COG5: variants seen among roughly 807,000 people sequenced by gnomAD.
COG5 encodes the protein conserved oligomeric Golgi complex subunit 5.
COG5 carries 86 observed loss-of-function variants against 110.4 expected under a neutral mutation model. That is an observed-to-expected ratio of 0.78 (90% confidence interval 0.65 to 0.93). The LOEUF (loss-of-function observed/expected upper bound fraction) is 0.93. Among genes scored for constraint, COG5 ranks in the 40% least tolerant of loss-of-function variants. The pLI, the probability that COG5 is intolerant of heterozygous loss-of-function variation, is 0.00. For missense variants in COG5, 1,077 were observed against 987.0 expected, an observed-to-expected ratio of 1.09 and a Z score of -1.22; for synonymous variants, 360 against 334.6, an observed-to-expected ratio of 1.08 and a Z score of -0.83.
intron 6 of COG5, among the ~76,000 whole-genome samples, chr7:107,507,863 T>G (rs188113943): frequency 2.6e-5 from 4 of 152,328 alleles, no homozygotes; most frequent in Admixed American, 2.0e-4. Flanking sequence ...TGTATCATAA[T>G]GCTTCTATGA....
chr7:107,499,739 A>G (rs1798517887), intron 6 of COG5, among the ~76,000 whole-genome samples: 1 of 152,114 alleles, frequency 6.6e-6, no homozygotes, highest in South Asian at 2.1e-4. Context: ...ATGGAATGTT[A>G]AAGAGGGAAC....
rs182182136 is a variant in COG5 at position 107,337,392 on chromosome 7, G to A, written c.1027-12871C>T. Among the ~76,000 whole-genome samples the A allele has an allele frequency of 9.2e-5, 14 of 152,250 alleles. No individual in the cohort carries two copies. In the East Asian group the frequency reaches 9.6e-4, roughly 10 times the overall value. On this transcript the variant is annotated intron_variant, in intron 10 of 21. Transcript: ENST00000297135. ...GCGAAGATATGAAATCAACCTAAGC[G>A]TCCATTGAAGGATGAATGGATAAAG...
chr7:107,532,202 G>A (rs752800416), intron 5 of COG5, among the ~76,000 whole-genome samples: 1 of 152,072 alleles, frequency 6.6e-6, no homozygotes, highest in African/African-American at 2.4e-5. Flanking sequence ...GATTACATGT[G>A]TCTGCCACCA....
At chr7:107,354,678 A>G (rs964679554) in intron 10 of COG5, among the ~76,000 whole-genome samples, 1 of 152,146 alleles carries the variant, frequency 6.6e-6, no homozygotes, top group African/African-American at 2.4e-5. Flanking sequence ...CTCCGTCTCA[A>G]CAACAACAAC....
chr7:107,359,700 T>G (rs1414349782), intron 10 of COG5, among the ~76,000 whole-genome samples: 1 of 152,228 alleles, frequency 6.6e-6, no homozygotes, highest in Non-Finnish European at 1.5e-5. Flanking sequence ...ACGACAGGAC[T>G]ATCTGCCTGT....
At chr7:107,469,401 G>A (rs151266192) in intron 6 of COG5, among the ~76,000 whole-genome samples, 259 of 152,162 alleles carry the variant, frequency 1.7e-3, no homozygotes, top group African/African-American at 5.9e-3. Context: ...TTTTATACCC[G>A]AGACTAAGCT....
At chr7:107,424,231 C>A (rs1229978409) in intron 6 of COG5, among the ~76,000 whole-genome samples, 1 of 151,980 alleles carries the variant, frequency 6.6e-6, no homozygotes, top group Non-Finnish European at 1.5e-5. Flanking sequence ...TGAGGTCATG[C>A]CACTGCACTC....
chr7:107,335,083 T>A (rs1810591334), intron 10 of COG5, among the ~76,000 whole-genome samples: 1 of 152,198 alleles, frequency 6.6e-6, no homozygotes, highest in African/African-American at 2.4e-5. Flanking sequence ...AAACAAAAAG[T>A]CAGAATGTAG....
At chr7:107,380,738 G>A (rs1164970818) in intron 7 of COG5, among the ~76,000 whole-genome samples, 1 of 152,108 alleles carries the variant, frequency 6.6e-6, no homozygotes, top group African/African-American at 2.4e-5. Flanking sequence ...GTTCAAAGAG[G>A]AGCTGGTACC....
At chr7:107,538,681 T>G (rs141693246) in intron 5 of COG5, among the ~76,000 whole-genome samples, 12 of 152,038 alleles carry the variant, frequency 7.9e-5, no homozygotes, top group African/African-American at 2.9e-4. Flanking sequence ...AGTTTGGCAT[T>G]CCTCAAAATG....
intron 7 of COG5, among the ~76,000 whole-genome samples, chr7:107,380,281 A>G (rs754242508): frequency 6.6e-6 from 1 of 152,218 alleles, no homozygotes; most frequent in Non-Finnish European, 1.5e-5. Flanking sequence ...AACAAATTCA[A>G]CAGCTAGCAG....
At chr7:107,403,329 T>C (rs1322316866) in intron 7 of COG5, among the ~76,000 whole-genome samples, 2 of 151,980 alleles carry the variant, frequency 1.3e-5, no homozygotes, top group African/African-American at 4.8e-5. Context: ...AAGTTCAAGG[T>C]GCCAGCAGTT....
rs770581835 is a variant in COG5, at chr7:107,283,542, T to C, written c.1475+29A>G. 10 of 1,592,048 alleles carry C rather than the reference T, an allele frequency of 6.3e-6. No individual in the cohort carries two copies. In the Admixed American group the frequency reaches 1.0e-4, roughly 16 times the overall value. ...ACTAACAAATATGGCAGTCATCTTATGGCAAGCCACTATATAAAAAATACA... is the reference window on the plus strand; with the variant it reads ...ACTAACAAATATGGCAGTCATCTTACGGCAAGCCACTATATAAAAAATACA... On this transcript the variant is annotated intron_variant, in intron 13 of 21. Transcript: ENST00000297135.
At chr7:107,390,628 A>G (rs1411440394) in intron 7 of COG5, among the ~76,000 whole-genome samples, 1 of 151,604 alleles carries the variant, frequency 6.6e-6, no homozygotes, top group Non-Finnish European at 1.5e-5. Context: ...AGATCTACAT[A>G]GCCAACAAAC....
chr7:107,536,891 CA>C (rs1178905519), intron 5 of COG5, among the ~76,000 whole-genome samples: 1 of 152,194 alleles, frequency 6.6e-6, no homozygotes, highest in Non-Finnish European at 1.5e-5. Flanking sequence ...ACCAAAACAG[CA>C]TGGTACTGAT....
intron 7 of COG5, among the ~76,000 whole-genome samples, chr7:107,411,261 C>A (rs899163907): frequency 2.6e-5 from 4 of 152,072 alleles, no homozygotes; most frequent in African/African-American, 9.7e-5. Context: ...AAATTCAGGG[C>A]AAAATGTTTG....
rs1218369301 is a variant in COG5 at position 107,323,126 on chromosome 7, G to A, written c.1108+1314C>T. Reference sequence around the variant, plus strand: ...ATCATAGAATTTTATGTTTAAAATTGGTGACTTTTACTGCATATAAATTAT... The same window carrying A: ...ATCATAGAATTTTATGTTTAAAATTAGTGACTTTTACTGCATATAAATTAT... On this transcript the variant is annotated intron_variant, in intron 11 of 21. Coordinates refer to ENST00000297135, the MANE Select transcript of COG5 (RefSeq NM_006348.5). Among the ~76,000 whole-genome samples the A allele has an allele frequency of 2.0e-5, 3 of 152,118 alleles. No individual in the cohort carries two copies. In the East Asian group the frequency reaches 5.8e-4, roughly 29 times the overall value.
chr7:107,508,015 G>A (rs930107688), intron 6 of COG5, among the ~76,000 whole-genome samples: 1 of 152,232 alleles, frequency 6.6e-6, no homozygotes, highest in Non-Finnish European at 1.5e-5. Flanking sequence ...TCACTAGAGA[G>A]TGCCAGACAG....
intron 7 of COG5, among the ~76,000 whole-genome samples, chr7:107,376,019 T>C (rs937663577): frequency 1.3e-5 from 2 of 152,012 alleles, no homozygotes; most frequent in African/African-American, 4.8e-5. Flanking sequence ...GAGTCAAGAT[T>C]AGTGTTTTTC....
Sources: gnomAD v4.1 joint callset for allele counts (sites outside exome capture counted in the v4.1 genomes callset) on GRCh38, gnomAD v4.1.1 for gene constraint, MANE v1.5 for transcripts, NCBI Gene and HGNC (gene_info 2026-07-23, HGNC 2026-07-21) for gene names.